Variants in NUP37 observed in about 807,000 individuals in gnomAD.
NUP37 encodes the protein nucleoporin 37.
Under a neutral mutation model 45.4 loss-of-function variants are expected in NUP37, and 33 were observed. The ratio of observed to expected loss-of-function variants is 0.73; its 90% CI spans 0.55 to 0.97. The LOEUF is 0.97. NUP37 is among the 50% of genes least tolerant of loss of function. The pLI is 0.00. For synonymous variants in NUP37, 127 were observed against 130.7 expected (o/e 0.97, Z 0.19); for missense variants, 365 against 389.7 (o/e 0.94, Z 0.53).
chr12:102,093,650 T>C (rs1347857323), intron 5 of NUP37, among the ~76,000 whole-genome samples: 1 of 152,110 alleles, frequency 6.6e-6, no homozygotes, highest in African/African-American at 2.4e-5. Flanking sequence ...CATTTCATTT[T>C]TTCCAAGAAA....
At chr12:102,109,588 T>C (rs1182301498) in intron 3 of NUP37, among the ~76,000 whole-genome samples, 1 of 152,192 alleles carries the variant, frequency 6.6e-6, no homozygotes, top group African/African-American at 2.4e-5. Flanking sequence ...AACAAGATTG[T>C]GCCTTCAGGT....
chr12:102,074,722 T>C (rs943207888), intron 9 of NUP37: 9 of 435,912 alleles, frequency 2.1e-5, no homozygotes, highest in African/African-American at 1.8e-4. Context: ...GCAAAATTAA[T>C]GTATTTAAAT....
At chr12:102,117,546 A>G (rs1880500595) in intron 2 of NUP37, among the ~76,000 whole-genome samples, 1 of 152,194 alleles carries the variant, frequency 6.6e-6, no homozygotes, top group Admixed American at 6.5e-5. Flanking sequence ...TACATGTAAA[A>G]CTAGCTTTCC....
chr12:102,091,417 A>C (rs1344094372), intron 5 of NUP37, among the ~76,000 whole-genome samples: 8 of 149,852 alleles, frequency 5.3e-5, no homozygotes, highest in Non-Finnish European at 8.9e-5. Context: ...AAAAAAAAAA[A>C]AAAAAAAAAA....
At chr12:102,075,778 T>A (rs1207863177) in intron 8 of NUP37, among the ~76,000 whole-genome samples, 1 of 152,170 alleles carries the variant, frequency 6.6e-6, no homozygotes, top group Non-Finnish European at 1.5e-5. Flanking sequence ...CTAACTTTGT[T>A]CAGGGCACAG....
intron 8 of NUP37, among the ~76,000 whole-genome samples, chr12:102,076,134 A>G (rs1159583050): frequency 2.0e-5 from 3 of 152,176 alleles, no homozygotes; most frequent in African/African-American, 4.8e-5. Flanking sequence ...TCATTGGTGT[A>G]TATTTGTTCA....
chr12:102,082,541 G>A (rs1879359468), intron 6 of NUP37, among the ~76,000 whole-genome samples: 1 of 152,214 alleles, frequency 6.6e-6, no homozygotes, highest in Admixed American at 6.5e-5. Context: ...TTACACGTTA[G>A]CACATTTAAT....
At chr12:102,100,901 G>A (rs1879950834) in intron 4 of NUP37, 131 bp downstream of exon 4, 1 of 549,138 alleles carries the variant, frequency 1.8e-6, no homozygotes, top group African/African-American at 2.0e-5. Flanking sequence ...TAGAGTAAAT[G>A]AGACTCTAAA....
chr12:102,100,244 C>T (rs893653867), intron 4 of NUP37, among the ~76,000 whole-genome samples: 7 of 152,102 alleles, frequency 4.6e-5, no homozygotes, highest in African/African-American at 1.7e-4. Context: ...CTGTAAATAG[C>T]TTACAGCATA....
At position 102,076,829 on chromosome 12, in the gene NUP37, T is replaced by C; in HGVS notation, c.741A>G (p.Arg247=). The C allele has an allele frequency of 1.2e-6, 2 of 1,613,130 alleles. No individual in the cohort carries two copies. Among genetic ancestry groups the C allele is most frequent in the South Asian group, 1.1e-5 (1 of 90,942 alleles). ...AGCAGGCTCGATCCATGTGAACAGG[T>C]CTCTTATTTTGAGGATAACTAAAAG... is the stretch of plus-strand genomic sequence containing the variant. The part of the protein sequence containing the change: ...ITRSSYPQNK[R]PVHMDRACLF... Residue 247 remains arginine, a synonymous_variant, in exon 8 of 10, where the codon AGA becomes AGG. Coordinates refer to ENST00000552283, the MANE Select transcript of NUP37 (RefSeq NM_024057.4).
chr12:102,096,881 A>G (rs895858353), intron 5 of NUP37, among the ~76,000 whole-genome samples: 3 of 152,112 alleles, frequency 2.0e-5, no homozygotes, highest in Admixed American at 6.5e-5. Flanking sequence ...TTAATAACCA[A>G]TCAGAGTTGT....
chr12:102,082,083 T>G (rs758464434), intron 6 of NUP37, among the ~76,000 whole-genome samples: 2 of 152,180 alleles, frequency 1.3e-5, no homozygotes, highest in African/African-American at 4.8e-5. Context: ...CGTGACATCC[T>G]GAATCCTTGG....
intron 5 of NUP37, among the ~76,000 whole-genome samples, chr12:102,090,719 G>C (rs1312108329): frequency 1.3e-5 from 2 of 152,140 alleles, no homozygotes; most frequent in Non-Finnish European, 2.9e-5. Context: ...TATTTTCATT[G>C]AAGACATTGT....
intron 4 of NUP37, 32 bp downstream of exon 4, chr12:102,101,000 A>G: frequency 7.7e-7 from 1 of 1,301,240 alleles, no homozygotes; most frequent in South Asian, 1.4e-5. Context: ...TTTTAAAATA[A>G]GCTCTAAAGA....
chr12:102,093,781 T>C (rs907525451), intron 5 of NUP37, among the ~76,000 whole-genome samples: 1 of 152,102 alleles, frequency 6.6e-6, no homozygotes, highest in East Asian at 1.9e-4. Flanking sequence ...AAACTGTTTA[T>C]GGATATGATT....
At chr12:102,116,430 G>T (rs17529215) in intron 2 of NUP37, among the ~76,000 whole-genome samples, 28,653 of 152,098 alleles carry the variant, frequency 0.19, 2,735 homozygotes, top group Non-Finnish European at 0.21. Context: ...TTTCAAGTAC[G>T]TAACATTGTC....
chr12:102,096,366 T>C (rs1879802903), intron 5 of NUP37, among the ~76,000 whole-genome samples: 1 of 152,144 alleles, frequency 6.6e-6, no homozygotes, highest in Admixed American at 6.5e-5. Flanking sequence ...GAGGTACCTT[T>C]GTTCACAGTA....
chr12:102,084,463 T>C (rs1463333271), intron 6 of NUP37, among the ~76,000 whole-genome samples: 2 of 124,820 alleles, frequency 1.6e-5, no homozygotes, highest in Admixed American at 7.6e-5. Context: ...TTGGGTAACA[T>C]GGTGAAACTG....
intron 2 of NUP37, 92 bp from the exon 3 acceptor site, chr12:102,112,324 G>A: frequency 1.9e-6 from 2 of 1,057,720 alleles, no homozygotes; most frequent in Non-Finnish European, 2.6e-6. Context: ...AGGAGGTTAT[G>A]CTTATGCTTT....
Sources: gnomAD v4.1 joint callset for allele counts (sites outside exome capture counted in the v4.1 genomes callset) on GRCh38, gnomAD v4.1.1 for gene constraint, MANE v1.5 for transcripts, NCBI Gene and HGNC (gene_info 2026-07-23, HGNC 2026-07-21) for gene names.